EIF3K: variants seen among roughly 807,000 people sequenced by gnomAD.
EIF3K encodes eIF-3 p28.
A neutral mutation model predicts 34.2 loss-of-function variants in EIF3K; 27 were observed. The observed-to-expected ratio is 0.79, with a 90% confidence interval of 0.58 to 1.09. The LOEUF (loss-of-function observed/expected upper bound fraction) is 1.09, where lower values mean the gene tolerates loss of function less well. Among genes scored for constraint, EIF3K ranks in the 50% least tolerant of loss-of-function variants. The pLI, the probability that EIF3K is intolerant of heterozygous loss-of-function variation, is 0.00. For synonymous variants in EIF3K, 105 were observed against 105.7 expected (o/e 0.99, Z 0.04); for missense variants, 232 against 275.4 (o/e 0.84, Z 1.11).
In EIF3K at chr19:38,632,653, G is replaced by C; in HGVS notation, c.474G>C (p.Leu158=). 1 of 1,613,698 alleles carries C rather than the reference G, an allele frequency of 6.2e-7. No homozygotes were observed. The highest frequency in any genetic ancestry group is 8.5e-7 in the Non-Finnish European group (1 of 1,179,824). ...ITYQHIDRWL[L]AEMLGDLSDS... is the part of the protein sequence containing the mutation. Reference sequence around the variant, plus strand: ...ACCAGCACATTGACCGCTGGCTGCTGGCCGAGATGCTCGGGGATCTGTCGG... The same window carrying C: ...ACCAGCACATTGACCGCTGGCTGCTCGCCGAGATGCTCGGGGATCTGTCGG... The change falls in exon 6 of 8, where the codon CTG becomes CTC. Residue 158 remains leucine (L), a synonymous_variant. Transcript: ENST00000248342.
At chr19:38,627,803 G>A (rs1196963476) in intron 4 of EIF3K, among the ~76,000 whole-genome samples, 5 of 151,722 alleles carry the variant, frequency 3.3e-5, no homozygotes, top group Non-Finnish European at 7.4e-5. Flanking sequence ...TTGCTCTCTT[G>A]GCCAGCTATC....
intron 6 of EIF3K, among the ~76,000 whole-genome samples, chr19:38,633,850 G>A (rs1976126941): frequency 2.0e-5 from 3 of 152,076 alleles, no homozygotes; most frequent in South Asian, 2.1e-4. Context: ...GCATGTGCCT[G>A]TAATCCCAGC....
chr19:38,635,939 T>C (rs1976181596), intron 7 of EIF3K, among the ~76,000 whole-genome samples: 1 of 152,184 alleles, frequency 6.6e-6, no homozygotes, highest in African/African-American at 2.4e-5. Context: ...TTGAGTGTGA[T>C]TCAGGTGTTT....
intron 4 of EIF3K, among the ~76,000 whole-genome samples, chr19:38,628,064 C>G (rs936574046): frequency 6.6e-6 from 1 of 151,998 alleles, no homozygotes; most frequent in Non-Finnish European, 1.5e-5. Context: ...ACCACCCCGC[C>G]GGCTAATTTT....
chr19:38,623,584 C>T (rs1975887416), intron 2 of EIF3K, among the ~76,000 whole-genome samples: 1 of 152,192 alleles, frequency 6.6e-6, no homozygotes, highest in African/African-American at 2.4e-5. Flanking sequence ...GGATTACAGG[C>T]TTGAGCCACC....
chr19:38,623,021 G>C (rs180802878), intron 2 of EIF3K, among the ~76,000 whole-genome samples: 2 of 152,116 alleles, frequency 1.3e-5, no homozygotes, highest in African/African-American at 4.8e-5. Flanking sequence ...TGTAGTTAAC[G>C]CAATTATTAC....
chr19:38,621,260 A>G (rs1316165582), intron 2 of EIF3K, among the ~76,000 whole-genome samples: 8 of 151,236 alleles, frequency 5.3e-5, no homozygotes, highest in Non-Finnish European at 1.0e-4. Context: ...TGTCTCTACA[A>G]AAATTAGCTG....
intron 6 of EIF3K, among the ~76,000 whole-genome samples, chr19:38,633,278 G>A (rs145614639): frequency 1.3e-3 from 196 of 152,256 alleles, no homozygotes; most frequent in African/African-American, 4.5e-3. Flanking sequence ...AGGAGCCACC[G>A]GAGGGCTCTG....
At chr19:38,623,082 A>C (rs1428297993) in intron 2 of EIF3K, among the ~76,000 whole-genome samples, 1 of 152,272 alleles carries the variant, frequency 6.6e-6, no homozygotes, top group Non-Finnish European at 1.5e-5. Flanking sequence ...TTAAGAGATT[A>C]AAGTAAAGAC....
chr19:38,631,197 A>G (rs1976057030), intron 4 of EIF3K, among the ~76,000 whole-genome samples: 1 of 152,190 alleles, frequency 6.6e-6, no homozygotes, highest in Non-Finnish European at 1.5e-5. Flanking sequence ...GGAATGAGAG[A>G]CTTGGAAAAG....
Position 38,621,903 on chromosome 19 carries a change from C to CTTTTT in EIF3K, c.158+1486_158+1490dup, listed in dbSNP as rs914363057. On this transcript the variant is annotated intron_variant, in intron 2 of 7. Transcript: ENST00000248342. ...ATGGACATTGTGGGTTCTTCGTGCC[C>CTTTTT]TTTTTTTTTTTTTTTTTTTTTTGGA... is the stretch of plus-strand genomic sequence containing the variant. Among the ~76,000 whole-genome samples the CTTTTT allele has an allele frequency of 6.7e-4, 75 of 111,470 alleles. 1 individual carries two copies. The highest frequency in any genetic ancestry group is 2.2e-3 in the African/African-American group (62 of 28,286). 73.1% of individuals were successfully genotyped at this position (111,470 alleles called of 152,430 possible).
At position 38,626,060 on chromosome 19, in the gene EIF3K, C is replaced by T; in HGVS notation, c.312C>T (p.Tyr104=). Residue 104 remains tyrosine, a synonymous_variant, in exon 4 of 8, where the codon TAC becomes TAT. Transcript: ENST00000248342. ...QEERPIRQIL[Y]LGDLLETCHF... is the part of the protein sequence containing the mutation. ...AACGGCCAATCCGACAGATTTTGTA[C>T]CTCGGGGACCTGCTGGAGACCTGCC... is the stretch of plus-strand genomic sequence containing the variant. 6.2e-7 allele frequency: 1 copy of T among 1,614,196 alleles called. No homozygotes were observed. The highest frequency in any genetic ancestry group is 8.5e-7 in the Non-Finnish European group (1 of 1,180,046).
intron 3 of EIF3K, among the ~76,000 whole-genome samples, chr19:38,625,634 C>G (rs1975934191): frequency 6.6e-6 from 1 of 151,738 alleles, no homozygotes; most frequent in Admixed American, 6.6e-5. Context: ...CTCAGCCTCC[C>G]AAGTAGCTGG....
At chr19:38,620,965 GC>G (rs1482135507) in intron 2 of EIF3K, among the ~76,000 whole-genome samples, 1 of 152,112 alleles carries the variant, frequency 6.6e-6, no homozygotes, top group Non-Finnish European at 1.5e-5. Flanking sequence ...ACTTTGGGAG[GC>G]TGAGGCGAGA....
chr19:38,627,097 G>A (rs897782754), intron 4 of EIF3K, among the ~76,000 whole-genome samples: 6 of 152,050 alleles, frequency 3.9e-5, no homozygotes, highest in East Asian at 3.9e-4. Context: ...ACTGATTCTC[G>A]TGCCTCAGCC....
chr19:38,630,675 TTTTTGTTTTG>T (rs778290040), intron 4 of EIF3K: 1 of 148,274 alleles, frequency 6.7e-6, no homozygotes, highest in Non-Finnish European at 1.5e-5. Context: ...TGTTTGTTGT[TTTTTGTTTTG>T]TTTTGTTTTG....
At chr19:38,626,656 G>A (rs1460656615) in intron 4 of EIF3K, among the ~76,000 whole-genome samples, 1 of 152,078 alleles carries the variant, frequency 6.6e-6, no homozygotes, top group African/African-American at 2.4e-5. Flanking sequence ...GAAATTCTCC[G>A]TCTCTTCTAC....
intron 7 of EIF3K, 83 bp downstream of exon 7, chr19:38,635,201 G>A: frequency 6.3e-7 from 1 of 1,584,348 alleles, no homozygotes; most frequent in Non-Finnish European, 8.6e-7. Flanking sequence ...CAGAGGACCT[G>A]GGTAGATCTG....
intron 2 of EIF3K, among the ~76,000 whole-genome samples, chr19:38,622,729 C>A (rs1599730506): frequency 6.6e-6 from 1 of 152,226 alleles, no homozygotes; most frequent in South Asian, 2.1e-4. Flanking sequence ...CCTCTGCAAT[C>A]TCGACTATAA....
Sources: allele counts gnomAD v4.1 joint callset (sites outside exome capture counted in the v4.1 genomes callset), GRCh38; gene constraint gnomAD v4.1.1; transcripts MANE v1.5; gene names NCBI Gene and HGNC (gene_info 2026-07-23, HGNC 2026-07-21).